Variants in HOXA1 observed in about 807,000 individuals in gnomAD.
HOXA1 encodes the protein homeobox A1, also known as homeobox protein Hox-A1.
HOXA1 carries 21 observed loss-of-function variants against 28.3 expected under a neutral mutation model. That is an observed-to-expected ratio of 0.74 (90% CI 0.53 to 1.07). The LOEUF is 1.07. HOXA1 is among the 50% of genes least tolerant of loss of function. The probability of loss-of-function intolerance (pLI) is 0.00; values close to 1 mark genes in which losing one functional copy is unlikely to be tolerated. For synonymous variants in HOXA1, 208 were observed against 181.2 expected, an observed-to-expected ratio of 1.15 and a Z score of -1.19; for missense variants, 446 against 434.3, an observed-to-expected ratio of 1.03 and a Z score of -0.24.
rs761654698 is a variant in HOXA1, at chr7:27,095,730, G to A, written c.183C>T (p.Ile61=). The A allele has an allele frequency of 3.1e-6, 5 of 1,613,532 alleles. No individual in the cohort carries two copies. Among genetic ancestry groups the A allele is most frequent in the Admixed American group, 3.3e-5 (2 of 59,990 alleles). ...DRFLVGRGVQ[I]GSPHHHHHHH... ...GGTGGTGGTGGTGGTGGGGCGAACC[G>A]ATCTGCACCCCCCTGCCCACTAGGA... Residue 61 remains isoleucine, a synonymous_variant, in exon 1 of 2, where the codon ATC becomes ATT. Transcript: ENST00000643460.
chr7:27,095,232 A>C (rs1438430533), intron 1 of HOXA1, 29 bp downstream of exon 1: 1 of 1,610,376 alleles, frequency 6.2e-7, no homozygotes, highest in Non-Finnish European at 8.5e-7. Context: ...AGAATAATCA[A>C]GGAGCATCCA....
chr7:27,094,801 G>A lies in HOXA1; in HGVS notation c.653-6C>T, dbSNP rs764089470. The A allele has an allele frequency of 6.2e-7, 1 of 1,609,956 alleles. No homozygotes were observed. Among genetic ancestry groups the A allele is most frequent in the Non-Finnish European group, 8.5e-7 (1 of 1,176,614 alleles). On this transcript the variant is annotated splice_region_variant and splice_polypyrimidine_tract_variant and intron_variant, in intron 1 of 1. Transcript: ENST00000643460. Reference sequence around the variant, plus strand: ...GCCGTACTCTCCAACTTTCCCTGGGGCAAAGTGGGAAGCCATGAGACGGAA... The same window carrying A: ...GCCGTACTCTCCAACTTTCCCTGGGACAAAGTGGGAAGCCATGAGACGGAA...
In HOXA1 at chr7:27,094,459, G is replaced by A. The variant is rs770180375; in HGVS notation, c.989C>T (p.Thr330Ile). The change falls in exon 2 of 2, where the codon ACT (threonine) becomes ATT (isoleucine). Residue 330 changes from threonine (T) to isoleucine (I), a missense_variant. Coordinates refer to ENST00000643460, the MANE Select transcript of HOXA1 (RefSeq NM_005522.5). Reference protein sequence around the residue: ...VPSPGSSTSDTLTTSH With the variant: ...VPSPGSSTSDILTTSH ...GCCGCCTCAGTGGGAGGTAGTCAGA[G>A]TGTCTGAGGTAGAAGACCCCGGGGA... The A allele has an allele frequency of 1.2e-5, 20 of 1,613,548 alleles. No individual in the cohort carries two copies. Among genetic ancestry groups the A allele is most frequent in the Non-Finnish European group, 1.7e-5 (20 of 1,179,550 alleles).
Position 27,095,757 on chromosome 7 carries a change from G to T in HOXA1, c.156C>A (p.Arg52=). The change falls in exon 1 of 2, where the codon CGC becomes CGA. Residue 52 remains arginine, a synonymous_variant. Coordinates refer to ENST00000643460, the MANE Select transcript of HOXA1 (RefSeq NM_005522.5). ...TCTGCACCCCCCTGCCCACTAGGAA[G>T]CGGTCGTCGCCGCCGCAACTGTTGG... ...VSANSCGGDD[R]FLVGRGVQIG... The T allele has an allele frequency of 6.2e-7, 1 of 1,613,180 alleles. No homozygotes were observed. The highest frequency in any genetic ancestry group is 8.5e-7 in the Non-Finnish European group (1 of 1,179,482).
chr7:27,094,523 C>A lies in HOXA1; in HGVS notation c.925G>T (p.Glu309Ter). The A allele has an allele frequency of 6.2e-7, 1 of 1,614,202 alleles. No individual in the cohort carries two copies. The highest frequency in any genetic ancestry group is 8.5e-7 in the Non-Finnish European group (1 of 1,180,046). ...TPPGNDEKAE[E>*]SSEKSSSSPC... ...GAAGAGCTGGACTTCTCTGAGGATT[C>A]CTCGGCCTTCTCGTCGTTTCCTGGC... Residue 309 changes from glutamate to a stop codon, truncating the protein, a stop_gained, in exon 2 of 2, where the codon GAA (glutamate) becomes TAA (stop). Coordinates refer to ENST00000643460, the MANE Select transcript of HOXA1 (RefSeq NM_005522.5). LOFTEE classifies it high-confidence loss of function.
intron 1 of HOXA1, 107 bp downstream of exon 1, chr7:27,095,154 A>G: frequency 1.6e-6 from 2 of 1,262,970 alleles, no homozygotes. Context: ...CACTAGTCTG[A>G]TACAAAAGCC....
chr7:27,093,973 A>G lies in HOXA1; in HGVS notation c.*467T>C, dbSNP rs1343030113. On this transcript the variant is annotated 3_prime_UTR_variant, in exon 2 of 2. Coordinates refer to ENST00000643460, the MANE Select transcript of HOXA1 (RefSeq NM_005522.5). ...TGAAAATGACTTAAATTAAGGGATG[A>G]ATTAATTGTGTAAACATATAGTGCA... The G allele has an allele frequency of 1.2e-5, 2 of 163,256 alleles. No homozygotes were observed. The highest frequency in any genetic ancestry group is 3.4e-4 in the East Asian group (2 of 5,928). The allele number at this position is 163,256 out of a possible 1,614,324, so 10.1% of individuals were successfully genotyped here.
rs1322908160 is a variant in HOXA1, at chr7:27,095,554, C to G, written c.359G>C (p.Ser120Thr). 6.2e-7 allele frequency: 1 copy of G among 1,614,166 alleles called. No homozygotes were observed. Among genetic ancestry groups the G allele is most frequent in the Admixed American group, 1.7e-5 (1 of 60,036 alleles). ...PYALNQEADV[S>T]GGYPQCAPAV... ...GGGAGCGCACTGGGGGTACCCACCA[C>G]TTACGTCTGCTTCCTGATTTAACGC... The change falls in exon 1 of 2, where the codon AGT becomes ACT. Residue 120 changes from serine (S) to threonine (T), a missense_variant. Transcript: ENST00000643460.
chr7:27,094,095 G>A lies in HOXA1; in HGVS notation c.*345C>T, dbSNP rs557113073. On this transcript the variant is annotated 3_prime_UTR_variant, in exon 2 of 2. Transcript: ENST00000643460. ...GTACATATAGTTAGATAAAAGATGA[G>A]AAGATTCCTTCTGGCATGTTTCTGT... 7 of 317,316 alleles carry A rather than the reference G, an allele frequency of 2.2e-5. No homozygotes were observed. The highest frequency in any genetic ancestry group is 6.4e-5 in the African/African-American group (3 of 47,018). 19.7% of individuals were successfully genotyped at this position (317,316 alleles called of 1,614,324 possible).
Position 27,095,838 on chromosome 7 carries a change from G to T in HOXA1, c.75C>A (p.Ala25=), listed in dbSNP as rs1242787581. The T allele has an allele frequency of 1.2e-6, 2 of 1,613,958 alleles. No individual in the cohort carries two copies. Among genetic ancestry groups the T allele is most frequent in the Non-Finnish European group, 1.7e-6 (2 of 1,179,970 alleles). Residue 25 remains alanine (A), a synonymous_variant, in exon 1 of 2, where the codon GCC becomes GCA. Transcript: ENST00000643460. ...TCCTATGGTCCGAGGGGTAGGCTCGGGCTGAGCAGGTCCCCGAGTCGCCAC... is the reference window on the plus strand; with the variant it reads ...TCCTATGGTCCGAGGGGTAGGCTCGTGCTGAGCAGGTCCCCGAGTCGCCAC... ...LSSGDSGTCS[A]RAYPSDHRIT... is the part of the protein sequence containing the mutation.
chr7:27,095,713 T>G lies in HOXA1; in HGVS notation c.200A>C (p.His67Pro), dbSNP rs1783808844. The change falls in exon 1 of 2, where the codon CAC becomes CCC. Residue 67 changes from histidine (H) to proline (P), a missense_variant. Coordinates refer to ENST00000643460, the MANE Select transcript of HOXA1 (RefSeq NM_005522.5). ...GGGGTGGCGATGGTGGTGGTGGTGGTGGTGGTGGGGCGAACCGATCTGCAC... is the reference window on the plus strand; with the variant it reads ...GGGGTGGCGATGGTGGTGGTGGTGGGGGTGGTGGGGCGAACCGATCTGCAC... ...RGVQIGSPHH[H>P]HHHHHRHPQP... 6.2e-7 allele frequency: 1 copy of G among 1,610,080 alleles called. No homozygotes were observed. Among genetic ancestry groups the G allele is most frequent in the Non-Finnish European group, 8.5e-7 (1 of 1,178,606 alleles).
At position 27,095,858 on chromosome 7, in the gene HOXA1, C is replaced by T. The variant is rs780377792; in HGVS notation, c.55G>A (p.Asp19Asn). 3.2e-5 allele frequency: 52 copies of T among 1,613,780 alleles called. No homozygotes were observed. Among genetic ancestry groups the T allele is most frequent in the Non-Finnish European group, 4.1e-5 (48 of 1,179,966 alleles). Residue 19 changes from aspartate (D) to asparagine (N), a missense_variant, in exon 1 of 2, where the codon GAC becomes AAC. Transcript: ENST00000643460. ...FLEYPILSSG[D>N]SGTCSARAYP... is the part of the protein sequence containing the mutation. ...GCTCGGGCTGAGCAGGTCCCCGAGT[C>T]GCCACTGCTAAGTATGGGGTATTCC...
rs1783756679 is a variant in HOXA1 at position 27,093,992 on chromosome 7, T to C, written c.*448A>G. 1 of 178,972 alleles carries C rather than the reference T, an allele frequency of 5.6e-6. No homozygotes were observed. The allele number at this position is 178,972 out of a possible 1,614,324, so 11.1% of individuals were successfully genotyped here. On this transcript the variant is annotated 3_prime_UTR_variant, in exon 2 of 2. Coordinates refer to ENST00000643460, the MANE Select transcript of HOXA1 (RefSeq NM_005522.5). ...GGGATGAATTAATTGTGTAAACATA[T>C]AGTGCATCTCTTCTTCCTGAGCTCC...
Position 27,093,929 on chromosome 7 carries a change from A to G in HOXA1, c.*511T>C, listed in dbSNP as rs1399625928. 1.3e-5 allele frequency: 2 copies of G among 158,694 alleles called. No individual in the cohort carries two copies. The highest frequency in any genetic ancestry group is 2.4e-5 in the African/African-American group (1 of 41,492). The allele number at this position is 158,694 out of a possible 1,614,324, so 9.8% of individuals were successfully genotyped here. On this transcript the variant is annotated 3_prime_UTR_variant, in exon 2 of 2. Coordinates refer to ENST00000643460, the MANE Select transcript of HOXA1 (RefSeq NM_005522.5). ...AATCTCTTAGGACAAAGTATTTACAACCAGCAAACTCACACACATGAAAAT... is the reference window on the plus strand; with the variant it reads ...AATCTCTTAGGACAAAGTATTTACAGCCAGCAAACTCACACACATGAAAAT...
At position 27,094,569 on chromosome 7, in the gene HOXA1, C is replaced by T; in HGVS notation, c.879G>A (p.Leu293=). 1 of 1,614,154 alleles carries T rather than the reference C, an allele frequency of 6.2e-7. No individual in the cohort carries two copies. The highest frequency in any genetic ancestry group is 8.5e-7 in the Non-Finnish European group (1 of 1,180,020). The part of the protein sequence containing the change: ...KQKKREKEGL[L]PISPATPPGN... ...CTGGCGGGGTGGCCGGAGAGATGGGCAAGAGACCCTCCTTCTCACGTTTCT... is the reference window on the plus strand; with the variant it reads ...CTGGCGGGGTGGCCGGAGAGATGGGTAAGAGACCCTCCTTCTCACGTTTCT... Residue 293 remains leucine (L), a synonymous_variant, in exon 2 of 2, where the codon TTG becomes TTA. Transcript: ENST00000643460.
chr7:27,094,783 T>C lies in HOXA1; in HGVS notation c.665A>G (p.Glu222Gly). 6.2e-7 allele frequency: 1 copy of C among 1,613,784 alleles called. No individual in the cohort carries two copies. The highest frequency in any genetic ancestry group is 1.1e-5 in the South Asian group (1 of 91,074). ...GTTGGGTTGACCCAGGTAGCCGTAC[T>C]CTCCAACTTTCCCTGGGGCAAAGTG... ...RNPPKTGKVGEYGYLGQPNAV... is the reference protein window; with the variant it reads ...RNPPKTGKVGGYGYLGQPNAV... Residue 222 changes from glutamate (E) to glycine (G), a missense_variant, in exon 2 of 2, where the codon GAG (glutamate) becomes GGG (glycine). Glu to Gly is a moderately conservative substitution (Grantham distance 98). Coordinates refer to ENST00000643460, the MANE Select transcript of HOXA1 (RefSeq NM_005522.5).
In HOXA1 at chr7:27,095,658, G is replaced by A. The variant is rs886062259; in HGVS notation, c.255C>T (p.Asn85=). 6.2e-7 allele frequency: 1 copy of A among 1,614,070 alleles called. No homozygotes were observed. The highest frequency in any genetic ancestry group is 2.2e-5 in the East Asian group (1 of 44,842). Residue 85 remains asparagine, a synonymous_variant, in exon 1 of 2, where the codon AAC becomes AAT. Coordinates refer to ENST00000643460, the MANE Select transcript of HOXA1 (RefSeq NM_005522.5). ...TTGAGTGGGAGTAGGACACCCCCAG[G>A]TTCCCGGAAGTCTGGTAGGTAGCCG... ...PQPATYQTSG[N]LGVSYSHSSC... is the part of the protein sequence containing the mutation.
At position 27,095,556 on chromosome 7, in the gene HOXA1, T is replaced by TA. The variant is rs745370848; in HGVS notation, c.356dup (p.Ser120LysfsTer58). ...GAGCGCACTGGGGGTACCCACCACT[T>TA]ACGTCTGCTTCCTGATTTAACGCGT... On this transcript the variant is annotated frameshift_variant, in exon 1 of 2. Coordinates refer to ENST00000643460, the MANE Select transcript of HOXA1 (RefSeq NM_005522.5). LOFTEE classifies it high-confidence loss of function. 1.9e-6 allele frequency: 3 copies of TA among 1,613,998 alleles called. No individual in the cohort carries two copies. Among genetic ancestry groups the TA allele is most frequent in the Non-Finnish European group, 2.5e-6 (3 of 1,180,026 alleles).
rs886062254 is a variant in HOXA1, at chr7:27,093,290, G to A, written c.*1150C>T. 6.6e-6 allele frequency: 1 copy of A among 152,496 alleles called. No homozygotes were observed. Among genetic ancestry groups the A allele is most frequent in the Non-Finnish European group, 1.5e-5 (1 of 68,016 alleles). The allele number at this position is 152,496 out of a possible 1,614,324, so 9.4% of individuals were successfully genotyped here. Reference sequence around the variant, plus strand: ...CAAATTGTAGCCCAGCCAAATACACGGATGCTTAAGCATACCTGAAACTTG... The same window carrying A: ...CAAATTGTAGCCCAGCCAAATACACAGATGCTTAAGCATACCTGAAACTTG... On this transcript the variant is annotated 3_prime_UTR_variant, in exon 2 of 2. Transcript: ENST00000643460.
Sources: allele counts gnomAD v4.1 joint callset, GRCh38; gene constraint gnomAD v4.1.1; transcripts MANE v1.5; gene names NCBI Gene and HGNC (gene_info 2026-07-23, HGNC 2026-07-21).